Variants in RAD54L2 observed in about 807,000 individuals in gnomAD.
The protein encoded by RAD54L2 is RAD54 like 2.
RAD54L2 carries 27 observed loss-of-function variants against 138.4 expected under a neutral mutation model. The ratio of observed to expected loss-of-function variants is 0.20; its 90% CI spans 0.14 to 0.27. RAD54L2 has a LOEUF of 0.27. RAD54L2 is among the 10% of genes least tolerant of loss of function. The probability of loss-of-function intolerance (pLI) is 1.00; values close to 1 mark genes in which losing one functional copy is unlikely to be tolerated. For synonymous variants in RAD54L2, 644 were observed against 723.2 expected (o/e 0.89, Z 1.76); for missense variants, 1,396 against 1,890.2 (o/e 0.74, Z 4.85).
chr3:51,613,712 C>G (rs1023408839), intron 3 of RAD54L2, among the ~76,000 whole-genome samples: 3 of 147,792 alleles, frequency 2.0e-5, no homozygotes, highest in African/African-American at 7.5e-5. Context: ...TTGCAGTGAG[C>G]TGAGATCATG....
chr3:51,549,138 C>T (rs961876249), intron 2 of RAD54L2, among the ~76,000 whole-genome samples: 1 of 152,068 alleles, frequency 6.6e-6, no homozygotes, highest in East Asian at 1.9e-4. Context: ...GGATTACAGG[C>T]GCCCACCACC....
In RAD54L2 at chr3:51,662,640, A is replaced by C; in HGVS notation, c.3624A>C (p.Gln1208His). 1 of 1,612,794 alleles carries C rather than the reference A, an allele frequency of 6.2e-7. No individual in the cohort carries two copies. Among genetic ancestry groups the C allele is most frequent in the South Asian group, 1.1e-5 (1 of 90,874 alleles). ...CCGCCCTGCCTGGCCCCCCGGCCCA[A>C]CTTATGGACAGCAGTGCTGTTCCCG... is the stretch of plus-strand genomic sequence containing the variant. The part of the protein sequence containing the change: ...TNAALPGPPA[Q>H]LMDSSAVPGT... The change falls in exon 23 of 23, where the codon CAA becomes CAC. Residue 1208 changes from glutamine (Q) to histidine (H), a missense_variant. By Grantham distance (24) the Gln-to-His change is conservative. This residue lies in a region of RAD54L2 where 634 missense variants were observed against 711.2 expected (regional missense o/e 0.89). Coordinates refer to ENST00000684192, the MANE Select transcript of RAD54L2 (RefSeq NM_015106.4). The surrounding 1 kb of genome is among the most constrained non-coding windows in gnomAD (Gnocchi z 4.6).
chr3:51,592,077 T>G (rs902938797), intron 3 of RAD54L2, among the ~76,000 whole-genome samples: 10 of 138,844 alleles, frequency 7.2e-5, no homozygotes, highest in Admixed American at 1.5e-4. Flanking sequence ...TTTTTTTTTT[T>G]TTTTTTGAGA....
chr3:51,578,754 C>G (rs946459744), intron 2 of RAD54L2, among the ~76,000 whole-genome samples: 2 of 152,034 alleles, frequency 1.3e-5, no homozygotes, highest in Admixed American at 1.3e-4. Context: ...GCCTGTGACC[C>G]CTGAAGCCCT....
Position 51,657,673 on chromosome 3 carries a change from A to T in RAD54L2, c.3316+4A>T. The T allele has an allele frequency of 6.5e-7, 1 of 1,549,832 alleles. No homozygotes were observed. Among genetic ancestry groups the T allele is most frequent in the Non-Finnish European group, 8.8e-7 (1 of 1,138,736 alleles). ...CACATCATCCGTGGGACAAAAGGTAAGAGCCTGACCAAGGACCTGTTCCCT... is the reference window on the plus strand; with the variant it reads ...CACATCATCCGTGGGACAAAAGGTATGAGCCTGACCAAGGACCTGTTCCCT... On this transcript the variant is annotated splice_donor_region_variant and intron_variant, in intron 21 of 22. Transcript: ENST00000684192.
chr3:51,661,829 T>C (rs898147157), intron 22 of RAD54L2, among the ~76,000 whole-genome samples: 2 of 152,246 alleles, frequency 1.3e-5, no homozygotes, highest in Middle Eastern at 3.2e-3. Context: ...GTCGAAGATA[T>C]ATGTCATGTT....
chr3:51,628,818 C>T (rs1002413114), intron 4 of RAD54L2, among the ~76,000 whole-genome samples: 20 of 151,946 alleles, frequency 1.3e-4, no homozygotes, highest in South Asian at 4.1e-4. Flanking sequence ...CAGGTTCAAG[C>T]GATTCTCCTG....
In RAD54L2 at chr3:51,662,306, C is replaced by A; in HGVS notation, c.3410-120C>A. The A allele has an allele frequency of 1.1e-6, 1 of 898,656 alleles. No individual in the cohort carries two copies. The highest frequency in any genetic ancestry group is 1.6e-6 in the Non-Finnish European group (1 of 627,362). 55.7% of individuals were successfully genotyped at this position (898,656 alleles called of 1,614,324 possible). Reference sequence around the variant, plus strand: ...GGTTGACTGGGTGATGTTGTTCAGACATCAAACTATTAGAATTTTGGGGAC... The same window carrying A: ...GGTTGACTGGGTGATGTTGTTCAGAAATCAAACTATTAGAATTTTGGGGAC... On this transcript the variant is annotated intron_variant, in intron 22 of 22. Transcript: ENST00000684192. This position sits in a 1 kb window ranked among gnomAD's most constrained non-coding sequence, Gnocchi z 4.6.
At chr3:51,569,418 C>T (rs990254493) in intron 2 of RAD54L2, among the ~76,000 whole-genome samples, 14 of 150,654 alleles carry the variant, frequency 9.3e-5, no homozygotes, top group African/African-American at 3.4e-4. Flanking sequence ...GAGTCTTGCT[C>T]TGTCACCCAG....
At chr3:51,597,992 G>T (rs1305871484) in intron 3 of RAD54L2, among the ~76,000 whole-genome samples, 1 of 150,472 alleles carries the variant, frequency 6.6e-6, no homozygotes, top group African/African-American at 2.4e-5. Context: ...AAATAATTAT[G>T]CTGAGTGAAA....
intron 2 of RAD54L2, among the ~76,000 whole-genome samples, chr3:51,581,794 C>G (rs560732952): frequency 6.6e-6 from 1 of 152,264 alleles, no homozygotes; most frequent in Admixed American, 6.5e-5. Context: ...GTCTCATTGT[C>G]TAGCAGATAA....
intron 2 of RAD54L2, among the ~76,000 whole-genome samples, chr3:51,581,542 T>C (rs1699608169): frequency 6.6e-6 from 1 of 152,200 alleles, no homozygotes; most frequent in Non-Finnish European, 1.5e-5. Context: ...CAGTTCATAC[T>C]GAATGTTCAT....
intron 19 of RAD54L2, among the ~76,000 whole-genome samples, chr3:51,651,355 G>A (rs976199161): frequency 6.6e-6 from 1 of 152,114 alleles, no homozygotes; most frequent in African/African-American, 2.4e-5. Flanking sequence ...TCTACCAGAG[G>A]TACAAAGAGG....
chr3:51,579,178 T>A (rs1461980743), intron 2 of RAD54L2, among the ~76,000 whole-genome samples: 1 of 150,850 alleles, frequency 6.6e-6, no homozygotes, highest in Admixed American at 6.6e-5. Flanking sequence ...TTTTTTTTTT[T>A]TTGAGACAGA....
intron 3 of RAD54L2, among the ~76,000 whole-genome samples, chr3:51,591,544 T>A (rs1188460601): frequency 6.6e-6 from 1 of 152,208 alleles, no homozygotes; most frequent in Non-Finnish European, 1.5e-5. Flanking sequence ...GGGAATCCGT[T>A]TGCCCTCCTT....
rs753860069 is a variant in RAD54L2, at chr3:51,627,605, T to C, written c.192T>C (p.Asp64=). Residue 64 remains aspartate, a synonymous_variant, in exon 4 of 23, where the codon GAT becomes GAC. Transcript: ENST00000684192. The stretch of plus-strand genomic sequence containing the variant: ...CTGAGCATGCCCAGTTGGGAGAAGA[T>C]GGGCAGCAGCCGCCGCGGTGCACTT... The part of the protein sequence containing the change: ...CGTEHAQLGE[D]GQQPPRCTST... The C allele has an allele frequency of 2.6e-5, 41 of 1,559,818 alleles. No individual in the cohort carries two copies. The Admixed American group carries it at 7.2e-4, about 27-fold the overall frequency.
At chr3:51,632,033 G>T (rs903122710) in intron 7 of RAD54L2, among the ~76,000 whole-genome samples, 3 of 152,008 alleles carry the variant, frequency 2.0e-5, no homozygotes, top group Non-Finnish European at 2.9e-5. Flanking sequence ...CTACTTCCAT[G>T]AGATCAACTT....
At chr3:51,631,826 G>A (rs1700851243) in intron 7 of RAD54L2, among the ~76,000 whole-genome samples, 4 of 151,964 alleles carry the variant, frequency 2.6e-5, no homozygotes, top group Admixed American at 2.0e-4. Context: ...TAGAGACGAG[G>A]TCTCACTATG....
intron 2 of RAD54L2, among the ~76,000 whole-genome samples, chr3:51,552,268 T>C (rs954201219): frequency 6.6e-6 from 1 of 151,852 alleles, no homozygotes; most frequent in Non-Finnish European, 1.5e-5. Context: ...AGAATAGGAA[T>C]CAATTTTTTT....
Sources: gnomAD v4.1 joint callset for allele counts (sites outside exome capture counted in the v4.1 genomes callset) on GRCh38, gnomAD v4.1.1 for gene constraint, gnomAD v4.1.1 regional missense constraint, Gnocchi (gnomAD v3.1) non-coding constraint, MANE v1.5 for transcripts, NCBI Gene and HGNC (gene_info 2026-07-23, HGNC 2026-07-21) for gene names.